RMND5B: variants seen among roughly 807,000 people sequenced by gnomAD.
The protein encoded by RMND5B is E3 ubiquitin-protein transferase RMND5B.
Under a neutral mutation model 50.4 loss-of-function variants are expected in RMND5B, and 42 were observed. The ratio of observed to expected loss-of-function variants is 0.83; its 90% CI spans 0.65 to 1.08. The LOEUF is 1.08. RMND5B is among the 50% of genes least tolerant of loss of function. The pLI, the probability that RMND5B is intolerant of heterozygous loss-of-function variation, is 0.00. For synonymous variants in RMND5B, 220 were observed against 210.0 expected, an observed-to-expected ratio of 1.05 and a Z score of -0.41; for missense variants, 463 against 508.5, an observed-to-expected ratio of 0.91 and a Z score of 0.86.
At chr5:178,135,307 GC>G in intron 2 of RMND5B, 1 of 207,068 alleles carries the variant, frequency 4.8e-6, no homozygotes. Flanking sequence ...GTGCCACCAT[GC>G]CCAGGTAAAT....
intron 6 of RMND5B, 40 bp from the exon 7 acceptor site, chr5:178,143,902 C>T: frequency 6.3e-7 from 1 of 1,585,486 alleles, no homozygotes; most frequent in Non-Finnish European, 8.6e-7. Flanking sequence ...AGGTCCTAGC[C>T]CCCACCAGCT....
At position 178,138,519 on chromosome 5, in the gene RMND5B, T is replaced by TTTTGTGTG. The variant is rs3222950; in HGVS notation, c.139+262_139+263insTTGTGTGT. On this transcript the variant is annotated intron_variant, in intron 3 of 10. Transcript: ENST00000313386. This position sits in a 1 kb window ranked among gnomAD's most constrained non-coding sequence, Gnocchi z 5.1. ...TTTTTAACTTTTTTTCATTTTATAATTGTGTGTGTGTGTGTGTGTGTGTGT... is the reference window on the plus strand; with the variant it reads ...TTTTTAACTTTTTTTCATTTTATAATTTTGTGTGTGTGTGTGTGTGTGTGTGTGTGTGT... 1.0e-5 allele frequency: 3 copies of TTTTGTGTG among 300,398 alleles called. No individual in the cohort carries two copies. Among genetic ancestry groups the TTTTGTGTG allele is most frequent in the Non-Finnish European group, 1.7e-5 (3 of 179,056 alleles). The allele number at this position is 300,398 out of a possible 1,614,324, so 18.6% of individuals were successfully genotyped here.
chr5:178,139,545 A>ATTTT (rs35774978), intron 3 of RMND5B, among the ~76,000 whole-genome samples: 21 of 139,842 alleles, frequency 1.5e-4, no homozygotes, highest in Non-Finnish European at 2.6e-4. Flanking sequence ...TGTCCCAGGA[A>ATTTT]TTTTTTTTTT....
Position 178,149,953 on chromosome 5 carries a change from C to T in RMND5B, c.*1921C>T. On this transcript the variant is annotated 3_prime_UTR_variant, in exon 11 of 11. Transcript: ENST00000313386. ...GGCCCACAACCATGTTCTGTTCGGT[C>T]CATGTTCTATTTAAAAGCATCTTGA... The T allele has an allele frequency of 1.7e-6, 2 of 1,144,914 alleles. No homozygotes were observed. The highest frequency in any genetic ancestry group is 4.9e-5 in the East Asian group (2 of 41,190). 70.9% of individuals were successfully genotyped at this position (1,144,914 alleles called of 1,614,324 possible).
Position 178,145,044 on chromosome 5 carries a change from A to G in RMND5B, c.694+936A>G, listed in dbSNP as rs1433358261. On this transcript the variant is annotated intron_variant, in intron 7 of 10. Coordinates refer to ENST00000313386, the MANE Select transcript of RMND5B (RefSeq NM_022762.5). ...TCAAAATAAATATGAAAACCAAGCC[A>G]TGATTTATTATTTATTTTTGAGACA... Among the ~76,000 whole-genome samples, 3 of 152,130 alleles carry G rather than the reference A, an allele frequency of 2.0e-5. No homozygotes were observed. The East Asian group carries it at 5.8e-4, about 29-fold the overall frequency.
rs367694476 is a variant in RMND5B at position 178,147,850 on chromosome 5, G to A, written c.1085G>A (p.Arg362Gln). 26 of 1,613,956 alleles carry A rather than the reference G, an allele frequency of 1.6e-5. No individual in the cohort carries two copies. Among genetic ancestry groups the A allele is most frequent in the South Asian group, 3.3e-5 (3 of 91,068 alleles). Residue 362 changes from arginine to glutamine, a missense_variant, in exon 10 of 11, where the codon CGA becomes CAA. Physicochemically the swap from Arg to Gln is conservative, Grantham distance 43. Transcript: ENST00000313386. ...CTCATCTGTGGCCATGTTATCTCCC[G>A]AGATGCACTCAATAAGCTCATTAAT... ...IKLICGHVIS[R>Q]DALNKLINGG...
At chr5:178,144,843 C>G (rs1755900811) in intron 7 of RMND5B, among the ~76,000 whole-genome samples, 1 of 152,070 alleles carries the variant, frequency 6.6e-6, no homozygotes, top group African/African-American at 2.4e-5. Context: ...TGGGGAACCC[C>G]TGCCCCTGCT....
In RMND5B at chr5:178,133,106, G is replaced by A. The variant is rs537702948; in HGVS notation, c.-13+1730G>A. On this transcript the variant is annotated intron_variant, in intron 2 of 10. Transcript: ENST00000313386. ...TCTCAAACTCCTGACCTTGTGATCC[G>A]CCTGCCTCGGCCTCCCAAAGTGCTG... is the stretch of plus-strand genomic sequence containing the variant. Among the ~76,000 whole-genome samples, 8 of 151,766 alleles carry A rather than the reference G, an allele frequency of 5.3e-5. 1 individual carries two copies. The highest frequency in any genetic ancestry group is 2.1e-4 in the South Asian group (1 of 4,812).
chr5:178,138,760 A>G lies in RMND5B; in HGVS notation c.139+502A>G, dbSNP rs1758760908. On this transcript the variant is annotated intron_variant, in intron 3 of 10. Coordinates refer to ENST00000313386, the MANE Select transcript of RMND5B (RefSeq NM_022762.5). This position sits in a 1 kb window ranked among gnomAD's most constrained non-coding sequence, Gnocchi z 5.1. ...TGATATATACCCTTTACTTGGATTCACCAACTGCTCATATGTTGCCATATT... is the reference window on the plus strand; with the variant it reads ...TGATATATACCCTTTACTTGGATTCGCCAACTGCTCATATGTTGCCATATT... Among the ~76,000 whole-genome samples, 1 of 152,238 alleles carries G rather than the reference A, an allele frequency of 6.6e-6. No homozygotes were observed. The highest frequency in any genetic ancestry group is 1.5e-5 in the Non-Finnish European group (1 of 68,050).
intron 6 of RMND5B, 64 bp from the exon 7 acceptor site, chr5:178,143,878 A>G: frequency 3.8e-6 from 6 of 1,576,880 alleles, no homozygotes; most frequent in Non-Finnish European, 5.2e-6. Context: ...CCCTCCTCTC[A>G]GGTGCTGGCT....
chr5:178,146,084 CCT>C (rs1561639441), intron 7 of RMND5B, 28 bp from the exon 8 acceptor site: 9 of 1,611,652 alleles, frequency 5.6e-6, no homozygotes, highest in African/African-American at 4.0e-5. Context: ...CCCTGCACCC[CCT>C]GAGCTGCCCC....
In RMND5B at chr5:178,149,937, C is replaced by T; in HGVS notation, c.*1905C>T. 7.6e-7 allele frequency: 1 copy of T among 1,323,654 alleles called. No individual in the cohort carries two copies. Among genetic ancestry groups the T allele is most frequent in the South Asian group, 1.3e-5 (1 of 76,580 alleles). The allele number at this position is 1,323,654 out of a possible 1,614,324, so 82.0% of individuals were successfully genotyped here. A position where few individuals can be genotyped will look rare whatever the true frequency, so the allele number is the denominator to read the frequency against. On this transcript the variant is annotated 3_prime_UTR_variant, in exon 11 of 11. Transcript: ENST00000313386. ...CCCACCAGCCTAATCTGGCCCACAA[C>T]CATGTTCTGTTCGGTCCATGTTCTA... is the stretch of plus-strand genomic sequence containing the variant.
intron 7 of RMND5B, among the ~76,000 whole-genome samples, chr5:178,144,453 GA>G (rs968652307): frequency 3.3e-4 from 47 of 144,280 alleles, no homozygotes; most frequent in African/African-American, 7.6e-4. Context: ...AGTCCTTTAA[GA>G]AAAAAAAAAA....
In RMND5B at chr5:178,133,746, C is replaced by T. The variant is rs1758463117; in HGVS notation, c.-13+2370C>T. 4.2e-5 allele frequency among the ~76,000 whole-genome samples: 6 copies of T among 143,256 alleles called. No homozygotes were observed. The Admixed American group carries it at 4.3e-4, about 10-fold the overall frequency. The allele number at this position is 143,256 out of a possible 152,430, so 94.0% of individuals were successfully genotyped here. On this transcript the variant is annotated intron_variant, in intron 2 of 10. Coordinates refer to ENST00000313386, the MANE Select transcript of RMND5B (RefSeq NM_022762.5). Reference sequence around the variant, plus strand: ...TTTTTTTTGGAGACGGAGTCTCACGCTGTCTCCCAGGCTGGAGTGCAGTGG... The same window carrying T: ...TTTTTTTTGGAGACGGAGTCTCACGTTGTCTCCCAGGCTGGAGTGCAGTGG...
chr5:178,146,166 G>T lies in RMND5B; in HGVS notation c.747G>T (p.Lys249Asn), dbSNP rs768659616. Reference protein sequence around the residue: ...SLVYLRLGLEKSPYCHLLDSS... With the variant: ...SLVYLRLGLENSPYCHLLDSS... ...TGTACCTGCGGCTGGGCTTGGAGAA[G>T]TCACCCTACTGCCACCTGCTGGACA... Residue 249 changes from lysine to asparagine, a missense_variant, in exon 8 of 11, where the codon AAG becomes AAT. Physicochemically the swap from Lys to Asn is moderately conservative, Grantham distance 94. Transcript: ENST00000313386. 1 of 1,614,184 alleles carries T rather than the reference G, an allele frequency of 6.2e-7. No homozygotes were observed. Among genetic ancestry groups the T allele is most frequent in the South Asian group, 1.1e-5 (1 of 91,080 alleles).
intron 3 of RMND5B, chr5:178,141,521 G>A (rs1465996238): frequency 6.6e-6 from 1 of 151,116 alleles, no homozygotes; most frequent in Non-Finnish European, 1.5e-5. Context: ...AATAAATAAA[G>A]TACAACTCTG....
In RMND5B at chr5:178,143,994, T is replaced by C; in HGVS notation, c.580T>C (p.Phe194Leu). 1 of 1,613,908 alleles carries C rather than the reference T, an allele frequency of 6.2e-7. No homozygotes were observed. The highest frequency in any genetic ancestry group is 8.5e-7 in the Non-Finnish European group (1 of 1,179,966). Residue 194 changes from phenylalanine (F) to leucine (L), a missense_variant, in exon 7 of 11, where the codon TTC becomes CTC. Physicochemically the swap from Phe to Leu is conservative, Grantham distance 22. Transcript: ENST00000313386. ...RLLELNSSLE[F>L]KLHRLHFIRL... ...GCTGGAACTCAACAGCTCCCTGGAG[T>C]TCAAGCTGCACCGACTGCACTTCAT...
At chr5:178,144,409 C>T (rs1235480849) in intron 7 of RMND5B, among the ~76,000 whole-genome samples, 8 of 151,792 alleles carry the variant, frequency 5.3e-5, no homozygotes, top group Admixed American at 4.6e-4. Context: ...TGTTCTGCCT[C>T]GTATGCCTCC....
In RMND5B at chr5:178,149,581, TGCC is replaced by T. The variant is rs1756205558; in HGVS notation, c.*1550_*1552del. ...ACCTTCATGAAAGGGCTGTTAGAGC[TGCC>T]TGGGAAGAAGGCGTGCCTTGGGGAA... On this transcript the variant is annotated 3_prime_UTR_variant, in exon 11 of 11. Transcript: ENST00000313386. 5.2e-6 allele frequency: 6 copies of T among 1,160,814 alleles called. No homozygotes were observed. In the African/African-American group the frequency reaches 9.1e-5, roughly 18 times the overall value. 71.9% of individuals were successfully genotyped at this position (1,160,814 alleles called of 1,614,324 possible). A position where few individuals can be genotyped will look rare whatever the true frequency, so the allele number is the denominator to read the frequency against.
Sources: gnomAD v4.1 joint callset for allele counts (sites outside exome capture counted in the v4.1 genomes callset) on GRCh38, gnomAD v4.1.1 for gene constraint, Gnocchi (gnomAD v3.1) non-coding constraint, MANE v1.5 for transcripts, NCBI Gene and HGNC (gene_info 2026-07-23, HGNC 2026-07-21) for gene names.